The following ARHGAP26 variants were observed in gnomAD, a reference collection of about 807,000 sequenced individuals.
ARHGAP26 encodes the protein rho GTPase-activating protein 26.
In ARHGAP26, 38 loss-of-function variants were observed where a neutral mutation model predicts 104.8. The ratio of observed to expected loss-of-function variants is 0.36; its 90% CI spans 0.28 to 0.48. The LOEUF is 0.48. Among genes scored for constraint, ARHGAP26 ranks in the 20% least tolerant of loss-of-function variants. ARHGAP26 has a pLI of 0.99. For synonymous variants in ARHGAP26, 341 were observed against 340.0 expected, an observed-to-expected ratio of 1.00 and a Z score of -0.03; for missense variants, 704 against 947.9, an observed-to-expected ratio of 0.74 and a Z score of 3.38.
At chr5:142,771,470 TG>T in intron 1 of ARHGAP26, 2 of 1,168,670 alleles carry the variant, frequency 1.7e-6, no homozygotes, top group Non-Finnish European at 2.1e-6. Context: ...TGCGATTCCT[TG>T]GAGTATTGGC....
At position 143,224,289 on chromosome 5, in the gene ARHGAP26, G is replaced by A. The variant is rs1431704542; in HGVS notation, c.*1843G>A. The stretch of plus-strand genomic sequence containing the variant: ...GAAGAGAGTCAAGGTCACTGTCCCC[G>A]CTTCGGCCTGAAGGAAAGAGAAGAC... On this transcript the variant is annotated 3_prime_UTR_variant, in exon 23 of 23. Coordinates refer to ENST00000645722, the MANE Select transcript of ARHGAP26 (RefSeq NM_001135608.3). 1.7e-5 allele frequency: 4 copies of A among 231,560 alleles called. No homozygotes were observed. Among genetic ancestry groups the A allele is most frequent in the Admixed American group, 5.6e-5 (1 of 17,712 alleles). 14.3% of individuals were successfully genotyped at this position (231,560 alleles called of 1,614,324 possible).
At chr5:142,849,758 T>C (rs554231607) in intron 1 of ARHGAP26, among the ~76,000 whole-genome samples, 31 of 152,324 alleles carry the variant, frequency 2.0e-4, no homozygotes, top group Admixed American at 2.0e-3. Context: ...CTAATCTGTA[T>C]GCATTGCTGG....
intron 17 of ARHGAP26, among the ~76,000 whole-genome samples, chr5:143,106,612 ACAG>A (rs1794060447): frequency 1.3e-5 from 2 of 151,684 alleles, no homozygotes; most frequent in African/African-American, 2.4e-5. Context: ...AGCTGGGACT[ACAG>A]GCACGTGGCA....
At chr5:142,824,111 C>T (rs1336970086) in intron 1 of ARHGAP26, among the ~76,000 whole-genome samples, 5 of 152,086 alleles carry the variant, frequency 3.3e-5, no homozygotes, top group African/African-American at 1.2e-4. Flanking sequence ...TTGTGGAACA[C>T]TGTATGAGTT....
intron 17 of ARHGAP26, among the ~76,000 whole-genome samples, chr5:143,063,482 C>A (rs1299799780): frequency 6.6e-6 from 1 of 152,162 alleles, no homozygotes; most frequent in Non-Finnish European, 1.5e-5. Context: ...AAGATAAAAC[C>A]CTGGAAATGG....
intron 12 of ARHGAP26, among the ~76,000 whole-genome samples, chr5:143,020,589 CCTTT>C (rs1280616081): frequency 6.7e-6 from 1 of 150,076 alleles, no homozygotes; most frequent in Non-Finnish European, 1.5e-5. Flanking sequence ...AAGTCCTAGT[CCTTT>C]CTTTCCTTGT....
intron 1 of ARHGAP26, among the ~76,000 whole-genome samples, chr5:142,844,803 C>T (rs907179344): frequency 1.0e-4 from 15 of 147,382 alleles, no homozygotes; most frequent in Non-Finnish European, 1.8e-4. Context: ...TGCAGTGAGC[C>T]GAGATCACAC....
chr5:142,925,196 G>A (rs547720673), intron 10 of ARHGAP26, among the ~76,000 whole-genome samples: 6 of 152,216 alleles, frequency 3.9e-5, no homozygotes, highest in South Asian at 2.1e-4. Flanking sequence ...CTGTTCTGCC[G>A]CAGTCCCCAC....
intron 12 of ARHGAP26, among the ~76,000 whole-genome samples, chr5:143,033,975 G>C (rs1161856956): frequency 6.6e-6 from 1 of 152,162 alleles, no homozygotes; most frequent in Non-Finnish European, 1.5e-5. Context: ...ATAAAGGAAT[G>C]AAAATCCTCC....
chr5:142,990,742 T>C (rs946558847), intron 11 of ARHGAP26, among the ~76,000 whole-genome samples: 1 of 152,196 alleles, frequency 6.6e-6, no homozygotes, highest in Non-Finnish European at 1.5e-5. Flanking sequence ...AGACCCTGTT[T>C]GCCTGAGTAT....
intron 11 of ARHGAP26, among the ~76,000 whole-genome samples, chr5:143,000,946 A>G (rs1406234047): frequency 2.6e-5 from 4 of 152,222 alleles, no homozygotes; most frequent in Middle Eastern, 3.4e-3. Context: ...TAAAATCTAG[A>G]TGATGGGTGG....
chr5:143,142,666 C>A (rs1026077074), intron 19 of ARHGAP26, among the ~76,000 whole-genome samples: 1 of 152,142 alleles, frequency 6.6e-6, no homozygotes, highest in Non-Finnish European at 1.5e-5. Flanking sequence ...GGAACAAGAG[C>A]TACAGGGGGT....
chr5:142,870,759 G>A (rs1755166881), intron 1 of ARHGAP26, among the ~76,000 whole-genome samples: 1 of 152,092 alleles, frequency 6.6e-6, no homozygotes, highest in South Asian at 2.1e-4. Context: ...CTAACCCAGG[G>A]TTGGTTACAT....
chr5:143,069,705 G>GT (rs779496898), intron 17 of ARHGAP26, among the ~76,000 whole-genome samples: 1 of 152,194 alleles, frequency 6.6e-6, no homozygotes, highest in Non-Finnish European at 1.5e-5. Context: ...CTGAAATTCA[G>GT]TTTTTTGCCT....
At chr5:142,912,791 C>G (rs1761998584) in intron 9 of ARHGAP26, among the ~76,000 whole-genome samples, 1 of 152,124 alleles carries the variant, frequency 6.6e-6, no homozygotes, top group Non-Finnish European at 1.5e-5. Context: ...TTTGTGAACA[C>G]GTTCTGGGGA....
At chr5:142,963,181 T>TAAACATAC (rs1554172165) in intron 11 of ARHGAP26, among the ~76,000 whole-genome samples, 1 of 111,570 alleles carries the variant, frequency 9.0e-6, no homozygotes, top group African/African-American at 5.1e-5. Context: ...TGTATATATA[T>TAAACATAC]ATATATATAT....
chr5:143,018,278 T>C (rs1779861601), intron 12 of ARHGAP26, among the ~76,000 whole-genome samples: 1 of 152,260 alleles, frequency 6.6e-6, no homozygotes, highest in Non-Finnish European at 1.5e-5. Context: ...AAATATGTTC[T>C]CATCTTGTCA....
intron 17 of ARHGAP26, among the ~76,000 whole-genome samples, chr5:143,111,593 A>C (rs1355715492): frequency 6.6e-6 from 1 of 152,250 alleles, no homozygotes; most frequent in Non-Finnish European, 1.5e-5. Context: ...TCCTAGTAAT[A>C]ATAAAAGACA....
intron 1 of ARHGAP26, among the ~76,000 whole-genome samples, chr5:142,827,232 A>G (rs112188905): frequency 1.3e-5 from 2 of 151,830 alleles, no homozygotes; most frequent in East Asian, 1.9e-4. Flanking sequence ...GCTGGCCTCC[A>G]TGGTTGGTTG....
Sources: gnomAD v4.1 joint callset for allele counts (sites outside exome capture counted in the v4.1 genomes callset) on GRCh38, gnomAD v4.1.1 for gene constraint, MANE v1.5 for transcripts, NCBI Gene and HGNC (gene_info 2026-07-23, HGNC 2026-07-21) for gene names.